The following PPM1L variants were observed in gnomAD, a reference collection of about 807,000 sequenced individuals.
PPM1L encodes the protein protein phosphatase 1L.
Under a neutral mutation model 31.4 loss-of-function variants are expected in PPM1L, and 13 were observed. The ratio of observed to expected loss-of-function variants is 0.41; its 90% CI spans 0.27 to 0.66. The LOEUF is 0.66. Ranked by LOEUF, PPM1L falls within the 30% of genes least tolerant of loss-of-function variation. The pLI is 0.29. For missense variants in PPM1L, 326 were observed against 453.7 expected (o/e 0.72, Z 2.56); for synonymous variants, 184 against 175.4 (o/e 1.05, Z -0.39).
At chr3:160,967,024 C>T (rs753893615) in intron 2 of PPM1L, among the ~76,000 whole-genome samples, 5 of 152,078 alleles carry the variant, frequency 3.3e-5, no homozygotes, top group Non-Finnish European at 5.9e-5. Context: ...CCATAATCCC[C>T]ATGTGTCATA....
At chr3:160,977,531 T>C (rs977850582) in intron 2 of PPM1L, among the ~76,000 whole-genome samples, 1 of 152,236 alleles carries the variant, frequency 6.6e-6, no homozygotes, top group Non-Finnish European at 1.5e-5. Flanking sequence ...TGTACTTAAC[T>C]GACTTATTCC....
At chr3:160,766,060 A>T (rs896350614) in intron 1 of PPM1L, among the ~76,000 whole-genome samples, 7 of 152,056 alleles carry the variant, frequency 4.6e-5, no homozygotes, top group Non-Finnish European at 1.0e-4. Flanking sequence ...GAATCCTCAA[A>T]GTCAAAGTTT....
intron 1 of PPM1L, among the ~76,000 whole-genome samples, chr3:160,906,065 CATTATT>C (rs1216762222): frequency 2.6e-5 from 4 of 151,832 alleles, no homozygotes; most frequent in Non-Finnish European, 5.9e-5. Context: ...CCTTTCTTAA[CATTATT>C]ATTATTATTT....
intron 1 of PPM1L, among the ~76,000 whole-genome samples, chr3:160,835,082 C>CTTCTTCTTCTTCT (rs1403731631): frequency 1.3e-4 from 18 of 141,666 alleles, no homozygotes; most frequent in African/African-American, 5.1e-4. Context: ...TCTTCTTCTT[C>CTTCTTCTTCTTCT]TTCTTTCTTT....
chr3:160,994,122 C>G (rs751618377), intron 2 of PPM1L, among the ~76,000 whole-genome samples: 24 of 152,104 alleles, frequency 1.6e-4, no homozygotes, highest in Non-Finnish European at 2.6e-4. Flanking sequence ...CTTAAATATA[C>G]TTGATGAATT....
At chr3:160,885,509 G>A (rs1175210764) in intron 1 of PPM1L, among the ~76,000 whole-genome samples, 1 of 152,184 alleles carries the variant, frequency 6.6e-6, no homozygotes, top group Non-Finnish European at 1.5e-5. Flanking sequence ...TCCTTCACTG[G>A]CAACCAAGAT....
intron 2 of PPM1L, among the ~76,000 whole-genome samples, chr3:161,009,696 A>G (rs1037384202): frequency 1.3e-5 from 2 of 152,188 alleles, no homozygotes; most frequent in Non-Finnish European, 2.9e-5. Context: ...GTAAGACTAT[A>G]TATAGACTGT....
At chr3:160,894,943 T>A (rs1287131800) in intron 1 of PPM1L, among the ~76,000 whole-genome samples, 1 of 152,236 alleles carries the variant, frequency 6.6e-6, no homozygotes, top group African/African-American at 2.4e-5. Flanking sequence ...TGATTCCTTT[T>A]TACTGAGTTA....
chr3:160,918,101 A>G (rs906413908), intron 1 of PPM1L, among the ~76,000 whole-genome samples: 1 of 152,130 alleles, frequency 6.6e-6, no homozygotes, highest in Non-Finnish European at 1.5e-5. Context: ...TCTGGGAAAA[A>G]CTGGTTGAGC....
chr3:160,776,072 T>G (rs1002381955), intron 1 of PPM1L, among the ~76,000 whole-genome samples: 3 of 152,198 alleles, frequency 2.0e-5, no homozygotes, highest in African/African-American at 7.2e-5. Context: ...ATCTAATATC[T>G]CTCTCACTTT....
At chr3:161,031,527 G>A (rs1483637980) in intron 2 of PPM1L, among the ~76,000 whole-genome samples, 1 of 60,168 alleles carries the variant, frequency 1.7e-5, no homozygotes, top group African/African-American at 1.1e-4. Context: ...TTGAGAGAGA[G>A]TCTCACTCTG....
At chr3:160,870,407 A>G (rs952997570) in intron 1 of PPM1L, among the ~76,000 whole-genome samples, 1 of 152,246 alleles carries the variant, frequency 6.6e-6, no homozygotes, top group Non-Finnish European at 1.5e-5. Flanking sequence ...AATTTTAAAT[A>G]CTTTATACAT....
At chr3:160,910,009 T>G (rs1238625978) in intron 1 of PPM1L, among the ~76,000 whole-genome samples, 1 of 152,158 alleles carries the variant, frequency 6.6e-6, no homozygotes, top group Admixed American at 6.5e-5. Flanking sequence ...TTATTTCTTG[T>G]CATGATAGGT....
intron 2 of PPM1L, among the ~76,000 whole-genome samples, chr3:161,009,050 A>C (rs1717803086): frequency 6.6e-6 from 1 of 152,232 alleles, no homozygotes; most frequent in African/African-American, 2.4e-5. Flanking sequence ...AAGAAGCCGC[A>C]GACAGGGAAG....
rs1306182456 is a variant in PPM1L at position 161,077,054 on chromosome 3, T to A, written c.*7897T>A. The A allele has an allele frequency of 6.6e-6, 1 of 152,228 alleles. No homozygotes were observed. Among genetic ancestry groups the A allele is most frequent in the Non-Finnish European group, 1.5e-5 (1 of 68,048 alleles). The allele number at this position is 152,228 out of a possible 1,614,324, so 9.4% of individuals were successfully genotyped here. On this transcript the variant is annotated 3_prime_UTR_variant, in exon 4 of 4. Coordinates refer to ENST00000498165, the MANE Select transcript of PPM1L (RefSeq NM_139245.4). ...ATCCATGGTGAGCACTCAGGCGCCA[T>A]CACTGCCTTCTTGGGGCTTACACCC...
At chr3:160,892,893 AATT>A (rs949805057) in intron 1 of PPM1L, among the ~76,000 whole-genome samples, 1 of 152,164 alleles carries the variant, frequency 6.6e-6, no homozygotes, top group Non-Finnish European at 1.5e-5. Flanking sequence ...TGATAATAAA[AATT>A]ATTATTCTTT....
intron 2 of PPM1L, among the ~76,000 whole-genome samples, chr3:160,981,537 C>T (rs1716797261): frequency 6.6e-6 from 1 of 152,024 alleles, no homozygotes; most frequent in Non-Finnish European, 1.5e-5. Context: ...CTGACAGAAG[C>T]TGGGGTTGGT....
Position 160,856,465 on chromosome 3 carries a change from C to T in PPM1L, c.399+99758C>T, listed in dbSNP as rs138884024. Among the ~76,000 whole-genome samples the T allele has an allele frequency of 4.2e-3, 646 of 152,194 alleles. 2 individuals are homozygous for T. The highest frequency in any genetic ancestry group is 0.015 in the African/African-American group (606 of 41,518). ...TGTGGTATATATACAGCATAGAACA[C>T]GACACAGGCATAAAAAAAGAATGAG... On this transcript the variant is annotated intron_variant, in intron 1 of 3. Coordinates refer to ENST00000498165, the MANE Select transcript of PPM1L (RefSeq NM_139245.4).
intron 2 of PPM1L, among the ~76,000 whole-genome samples, chr3:161,056,924 A>G (rs937731079): frequency 5.3e-5 from 8 of 152,006 alleles, no homozygotes; most frequent in African/African-American, 1.9e-4. Flanking sequence ...TAGCCTGGGC[A>G]TGGTGGCGCA....
Sources: gnomAD v4.1 joint callset for allele counts (sites outside exome capture counted in the v4.1 genomes callset) on GRCh38, gnomAD v4.1.1 for gene constraint, MANE v1.5 for transcripts, NCBI Gene and HGNC (gene_info 2026-07-23, HGNC 2026-07-21) for gene names.